The following PHF21B variants were observed in gnomAD, a reference collection of about 807,000 sequenced individuals.
PHF21B encodes the protein PHD finger protein 21B.
PHF21B carries 22 observed loss-of-function variants against 62.2 expected under a neutral mutation model. The ratio of observed to expected loss-of-function variants is 0.35; its 90% CI spans 0.25 to 0.51. The LOEUF (loss-of-function observed/expected upper bound fraction) is 0.51, where lower values mean the gene tolerates loss of function less well. PHF21B is among the 20% of genes least tolerant of loss of function. PHF21B has a pLI of 0.97. For missense variants in PHF21B, 701 were observed against 707.9 expected (o/e 0.99, Z 0.11); for synonymous variants, 341 against 314.7 (o/e 1.08, Z -0.88).
At chr22:44,898,968 C>T (rs947258065) in intron 5 of PHF21B, among the ~76,000 whole-genome samples, 1 of 152,152 alleles carries the variant, frequency 6.6e-6, no homozygotes, top group African/African-American at 2.4e-5. Flanking sequence ...GGGTCTATTT[C>T]TGGGCCTTCT....
intron 10 of PHF21B, among the ~76,000 whole-genome samples, chr22:44,887,292 A>G (rs2070876903): frequency 6.6e-6 from 1 of 152,172 alleles, no homozygotes; most frequent in South Asian, 2.1e-4. Context: ...CACACTCCCA[A>G]GCGTTTTCTC....
chr22:44,886,713 C>T (rs1287928911), intron 10 of PHF21B, among the ~76,000 whole-genome samples: 1 of 152,016 alleles, frequency 6.6e-6, no homozygotes, highest in Non-Finnish European at 1.5e-5. Flanking sequence ...ATGTAACCCC[C>T]GACCCAGGCA....
At chr22:44,987,607 T>A (rs2072973785) in intron 2 of PHF21B, among the ~76,000 whole-genome samples, 1 of 151,546 alleles carries the variant, frequency 6.6e-6, no homozygotes, top group African/African-American at 2.4e-5. Context: ...GAGGAAGAAA[T>A]CCCATGGTCC....
intron 2 of PHF21B, among the ~76,000 whole-genome samples, chr22:44,973,321 C>T (rs1413165904): frequency 6.6e-6 from 1 of 152,190 alleles, no homozygotes; most frequent in Non-Finnish European, 1.5e-5. Context: ...TGGCAGATGT[C>T]AGCTCCCACC....
chr22:44,944,997 G>A (rs2072037294), intron 2 of PHF21B, among the ~76,000 whole-genome samples: 2 of 114,584 alleles, frequency 1.7e-5, no homozygotes, highest in Non-Finnish European at 3.6e-5. Context: ...GAGCACATGA[G>A]ATTCCTGCAT....
chr22:44,980,041 C>T (rs866043973), intron 2 of PHF21B, among the ~76,000 whole-genome samples: 2 of 131,486 alleles, frequency 1.5e-5, no homozygotes, highest in South Asian at 2.5e-4. Flanking sequence ...TGCACTCCAG[C>T]CTGGGCAACA....
chr22:44,947,365 A>G (rs1394234236), intron 2 of PHF21B, among the ~76,000 whole-genome samples: 2 of 152,254 alleles, frequency 1.3e-5, no homozygotes, highest in East Asian at 1.9e-4. Flanking sequence ...AGACCGACGC[A>G]TGGGCAGGTG....
intron 2 of PHF21B, among the ~76,000 whole-genome samples, chr22:44,976,633 C>T (rs1408239103): frequency 1.3e-5 from 2 of 152,214 alleles, no homozygotes; most frequent in Non-Finnish European, 2.9e-5. Context: ...TGTCCTGTCC[C>T]TGGAGGTCCT....
intron 2 of PHF21B, among the ~76,000 whole-genome samples, chr22:44,994,059 G>A (rs777066258): frequency 6.6e-6 from 1 of 152,202 alleles, no homozygotes; most frequent in Non-Finnish European, 1.5e-5. Context: ...GTGAGAGAAG[G>A]ACAGGGAGCA....
chr22:44,891,422 G>A (rs1429670523), intron 7 of PHF21B, 62 bp from the exon 8 acceptor site: 8 of 1,569,750 alleles, frequency 5.1e-6, no homozygotes, highest in East Asian at 2.3e-5. Flanking sequence ...CGATGGTGAC[G>A]TCACCCCAGG....
chr22:44,968,814 AGT>A (rs2072582342), intron 2 of PHF21B, among the ~76,000 whole-genome samples: 1 of 152,164 alleles, frequency 6.6e-6, no homozygotes, highest in Admixed American at 6.5e-5. Flanking sequence ...CACTACTCAA[AGT>A]GTCAGGTTTC....
At chr22:44,986,098 TCATCACCAC>T (rs920950279) in intron 2 of PHF21B, among the ~76,000 whole-genome samples, 3 of 144,006 alleles carry the variant, frequency 2.1e-5, no homozygotes, top group Non-Finnish European at 4.5e-5. Flanking sequence ...ACAACCATCC[TCATCACCAC>T]CATCACCATG....
At chr22:44,994,539 A>G (rs905239527) in intron 2 of PHF21B, among the ~76,000 whole-genome samples, 9 of 152,214 alleles carry the variant, frequency 5.9e-5, no homozygotes, top group African/African-American at 2.2e-4. Flanking sequence ...ACTGTGAGAG[A>G]ATGAATTCTG....
intron 2 of PHF21B, among the ~76,000 whole-genome samples, chr22:44,998,277 G>A (rs2073154521): frequency 6.6e-6 from 1 of 152,200 alleles, no homozygotes. Flanking sequence ...CCACAAATAA[G>A]GTCATCCATG....
chr22:44,901,071 T>C (rs1397492963), intron 5 of PHF21B, among the ~76,000 whole-genome samples: 3 of 152,230 alleles, frequency 2.0e-5, no homozygotes, highest in Non-Finnish European at 4.4e-5. Context: ...AGGTGGAAGA[T>C]CAGTGGAGCA....
At chr22:44,906,764 GC>G (rs141437689) in intron 5 of PHF21B, among the ~76,000 whole-genome samples, 1 of 152,304 alleles carries the variant, frequency 6.6e-6, no homozygotes, top group African/African-American at 2.4e-5. Context: ...TGTAATTCCT[GC>G]CCCCCGCTAC....
chr22:44,954,892 A>T (rs2072264051), intron 2 of PHF21B, among the ~76,000 whole-genome samples: 1 of 152,210 alleles, frequency 6.6e-6, no homozygotes, highest in Admixed American at 6.5e-5. Context: ...CAGGTGGCAC[A>T]GAGGACAGTC....
At chr22:45,003,802 G>T (rs1335479868) in intron 2 of PHF21B, among the ~76,000 whole-genome samples, 1 of 152,214 alleles carries the variant, frequency 6.6e-6, no homozygotes, top group Non-Finnish European at 1.5e-5. Context: ...AGGGCGGGAA[G>T]TCCTGACATA....
At chr22:44,940,837 T>C (rs1569242210) in intron 2 of PHF21B, among the ~76,000 whole-genome samples, 1 of 152,134 alleles carries the variant, frequency 6.6e-6, no homozygotes, top group Non-Finnish European at 1.5e-5. Flanking sequence ...GTGAGATGGA[T>C]ACAGGGGAAG....
Sources: allele counts gnomAD v4.1 joint callset (sites outside exome capture counted in the v4.1 genomes callset), GRCh38; gene constraint gnomAD v4.1.1; transcripts MANE v1.5; gene names NCBI Gene and HGNC (gene_info 2026-07-23, HGNC 2026-07-21).